The following DCC variants were observed in gnomAD, a reference collection of about 807,000 sequenced individuals.
The protein encoded by DCC is netrin receptor DCC.
A neutral mutation model predicts 172.5 loss-of-function variants in DCC; 58 were observed. That is an observed-to-expected ratio of 0.34 (90% CI 0.27 to 0.42). The LOEUF (loss-of-function observed/expected upper bound fraction) is 0.42, where lower values mean the gene tolerates loss of function less well. Among genes scored for constraint, DCC ranks in the 10% least tolerant of loss-of-function variants. DCC has a pLI of 1.00. For missense variants in DCC, 1,740 were observed against 1,791.0 expected, an observed-to-expected ratio of 0.97 and a Z score of 0.51; for synonymous variants, 709 against 644.5, an observed-to-expected ratio of 1.10 and a Z score of -1.52.
At chr18:53,170,853 A>G (rs2055003357) in intron 8 of DCC, among the ~76,000 whole-genome samples, 1 of 152,106 alleles carries the variant, frequency 6.6e-6, no homozygotes, top group Non-Finnish European at 1.5e-5. Flanking sequence ...TCCACAGTCT[A>G]CATAGGCTTT....
At chr18:53,387,088 A>G (rs1395142272) in intron 16 of DCC, among the ~76,000 whole-genome samples, 2 of 152,216 alleles carry the variant, frequency 1.3e-5, no homozygotes, top group African/African-American at 4.8e-5. Context: ...GATAGCAAGC[A>G]TCGGAGAACG....
intron 5 of DCC, among the ~76,000 whole-genome samples, chr18:53,025,008 C>A (rs989104361): frequency 9.9e-5 from 15 of 152,006 alleles, no homozygotes; most frequent in African/African-American, 2.2e-4. Flanking sequence ...GGAACACATG[C>A]AAATTGTATT....
chr18:52,537,475 G>C (rs1022228803), intron 1 of DCC, among the ~76,000 whole-genome samples: 9 of 152,150 alleles, frequency 5.9e-5, no homozygotes, highest in Non-Finnish European at 1.5e-5. Flanking sequence ...TGAGGCTGCT[G>C]CCTGGAGGCA....
At chr18:53,498,380 A>G (rs890516708) in intron 26 of DCC, among the ~76,000 whole-genome samples, 2 of 152,228 alleles carry the variant, frequency 1.3e-5, no homozygotes, top group African/African-American at 4.8e-5. Flanking sequence ...TTATTAAGAA[A>G]TAAGTCATCA....
chr18:52,518,819 T>C (rs545326676), intron 1 of DCC, among the ~76,000 whole-genome samples: 7 of 152,332 alleles, frequency 4.6e-5, no homozygotes, highest in African/African-American at 1.7e-4. Flanking sequence ...TGGTGCATTT[T>C]TGTTTTATTT....
intron 2 of DCC, among the ~76,000 whole-genome samples, chr18:52,780,476 TAAG>T (rs1379857937): frequency 1.3e-5 from 2 of 152,130 alleles, no homozygotes; most frequent in African/African-American, 4.8e-5. Context: ...TAAAAGATAA[TAAG>T]AGAAAGGCAT....
intron 7 of DCC, among the ~76,000 whole-genome samples, chr18:53,096,977 GAA>G (rs2043097452): frequency 6.6e-6 from 1 of 151,984 alleles, no homozygotes; most frequent in Non-Finnish European, 1.5e-5. Flanking sequence ...CACATCAAAA[GAA>G]AGAAAGAAGA....
intron 1 of DCC, among the ~76,000 whole-genome samples, chr18:52,557,499 T>C (rs2032942612): frequency 6.6e-6 from 1 of 152,210 alleles, no homozygotes; most frequent in Admixed American, 6.5e-5. Context: ...CTGCTTCCAT[T>C]AGAATATTTA....
At chr18:52,628,687 A>C (rs930889706) in intron 1 of DCC, among the ~76,000 whole-genome samples, 1 of 152,236 alleles carries the variant, frequency 6.6e-6, no homozygotes, top group Non-Finnish European at 1.5e-5. Flanking sequence ...CCTGCAAGGA[A>C]AGGAAGTGTC....
chr18:53,134,698 T>A (rs1399105471), intron 7 of DCC, among the ~76,000 whole-genome samples: 1 of 152,172 alleles, frequency 6.6e-6, no homozygotes. Flanking sequence ...AGAAATGATT[T>A]TTTTGACATT....
intron 5 of DCC, among the ~76,000 whole-genome samples, chr18:52,971,595 A>C (rs2041031673): frequency 6.6e-6 from 1 of 151,930 alleles, no homozygotes; most frequent in Non-Finnish European, 1.5e-5. Flanking sequence ...TGAAGTAGGG[A>C]ATGACAGAAG....
chr18:53,261,884 A>T (rs1027870720), intron 12 of DCC, among the ~76,000 whole-genome samples: 2 of 152,136 alleles, frequency 1.3e-5, no homozygotes, highest in Non-Finnish European at 2.9e-5. Context: ...CTTCTTCAGA[A>T]AGGTAGATCC....
intron 26 of DCC, among the ~76,000 whole-genome samples, chr18:53,491,350 C>G (rs1043152936): frequency 2.0e-5 from 3 of 152,162 alleles, no homozygotes; most frequent in Admixed American, 2.0e-4. Flanking sequence ...ATTAAACTTA[C>G]AATCACAATA....
intron 25 of DCC, among the ~76,000 whole-genome samples, chr18:53,478,906 C>T (rs145206900): frequency 0.021 from 3,194 of 152,302 alleles, 56 homozygotes; most frequent in Middle Eastern, 0.061. Flanking sequence ...GAGAGGGACT[C>T]GTCTGTGAGA....
chr18:53,052,006 T>G (rs1305240954), intron 5 of DCC, among the ~76,000 whole-genome samples: 2 of 152,110 alleles, frequency 1.3e-5, no homozygotes, highest in African/African-American at 4.8e-5. Context: ...TCTTTTTTTT[T>G]GTACAAACTC....
chr18:52,835,014 C>A (rs1409436022), intron 2 of DCC, among the ~76,000 whole-genome samples: 1 of 152,110 alleles, frequency 6.6e-6, no homozygotes, highest in Non-Finnish European at 1.5e-5. Context: ...TGAAGTTGAA[C>A]AATTTGCATT....
chr18:53,227,484 G>A (rs2056051772), intron 12 of DCC, among the ~76,000 whole-genome samples: 1 of 152,060 alleles, frequency 6.6e-6, no homozygotes, highest in African/African-American at 2.4e-5. Context: ...ACATTACCCA[G>A]TCTACTGGAA....
chr18:52,627,402 C>G (rs1415666995), intron 1 of DCC, among the ~76,000 whole-genome samples: 1 of 152,146 alleles, frequency 6.6e-6, no homozygotes, highest in Non-Finnish European at 1.5e-5. Flanking sequence ...TGTGGAGATT[C>G]ACAAGACATC....
At chr18:52,466,003 T>A (rs1988773736) in intron 1 of DCC, among the ~76,000 whole-genome samples, 1 of 152,222 alleles carries the variant, frequency 6.6e-6, no homozygotes, top group Admixed American at 6.5e-5. Flanking sequence ...AGCTGGGTTA[T>A]GACAAAAATT....
Sources: gnomAD v4.1 joint callset for allele counts (sites outside exome capture counted in the v4.1 genomes callset) on GRCh38, gnomAD v4.1.1 for gene constraint, MANE v1.5 for transcripts, NCBI Gene and HGNC (gene_info 2026-07-23, HGNC 2026-07-21) for gene names.